The following GRTP1 variants were observed in gnomAD, a reference collection of about 807,000 sequenced individuals.
GRTP1 encodes growth hormone regulated TBC protein 1, also known as growth hormone-regulated TBC protein 1.
A neutral mutation model predicts 38.1 loss-of-function variants in GRTP1; 56 were observed. The observed-to-expected ratio is 1.47, with a 90% confidence interval of 1.19 to 1.84. The LOEUF (loss-of-function observed/expected upper bound fraction) is 1.84, where lower values mean the gene tolerates loss of function less well. Among genes scored for constraint, GRTP1 ranks in the 40% most tolerant of loss-of-function variants. The pLI is 0.00. For missense variants in GRTP1, 506 were observed against 453.9 expected (o/e 1.11, Z -1.04); for synonymous variants, 217 against 189.5 (o/e 1.14, Z -1.19).
At position 113,348,584 on chromosome 13, in the gene GRTP1, G is replaced by T. The variant is rs2043209233; in HGVS notation, c.465+2265C>A. ...AAAGACTGTTGCAGATGTCATTACG[G>T]ATGGGGTCATGGAGGAGTTGGTGGG... On this transcript the variant is annotated intron_variant, in intron 4 of 7. Transcript: ENST00000375431. The surrounding 1 kb of genome is among the most constrained non-coding windows in gnomAD (Gnocchi z 4.8). Among the ~76,000 whole-genome samples, 1 of 152,182 alleles carries T rather than the reference G, an allele frequency of 6.6e-6. No homozygotes were observed. The highest frequency in any genetic ancestry group is 1.5e-5 in the Non-Finnish European group (1 of 68,040).
intron 7 of GRTP1, chr13:113,325,352 G>T: frequency 7.0e-6 from 10 of 1,423,758 alleles, no homozygotes; most frequent in Non-Finnish European, 9.1e-6. Flanking sequence ...CCAGGTCCAG[G>T]ACCCAGTGGG....
rs564535305 is a variant in GRTP1 at position 113,356,257 on chromosome 13, A to T, written c.182-776T>A. Reference sequence around the variant, plus strand: ...TTTCCTTTGATACTACACTATATATATTTTATTTTATTTTATTTTATTTTT... The same window carrying T: ...TTTCCTTTGATACTACACTATATATTTTTTATTTTATTTTATTTTATTTTT... On this transcript the variant is annotated intron_variant, in intron 2 of 7. Coordinates refer to ENST00000375431, the MANE Select transcript of GRTP1 (RefSeq NM_024719.4). 3.1e-3 allele frequency among the ~76,000 whole-genome samples: 477 copies of T among 151,438 alleles called. 3 individuals carry two copies. Among genetic ancestry groups the T allele is most frequent in the South Asian group, 0.015 (71 of 4,796 alleles).
Position 113,355,309 on chromosome 13 carries a change from C to CTGT in GRTP1, c.340+13_340+14insACA. 6.2e-7 allele frequency: 1 copy of CTGT among 1,612,588 alleles called. No homozygotes were observed. The highest frequency in any genetic ancestry group is 8.5e-7 in the Non-Finnish European group (1 of 1,179,126). On this transcript the variant is annotated intron_variant, in intron 3 of 7. Transcript: ENST00000375431. ...CCCGGGCCCTGCACCAGAGCTCGAC[C>CTGT]CCCACCGCCTCACCTGTCCTGATGG...
In GRTP1 at chr13:113,343,167, G is replaced by A. The variant is rs1033093593; in HGVS notation, c.562+1696C>T. Among the ~76,000 whole-genome samples, 1 of 152,128 alleles carries A rather than the reference G, an allele frequency of 6.6e-6. No individual in the cohort carries two copies. On this transcript the variant is annotated intron_variant, in intron 5 of 7. Coordinates refer to ENST00000375431, the MANE Select transcript of GRTP1 (RefSeq NM_024719.4). The surrounding 1 kb of genome is among the most constrained non-coding windows in gnomAD (Gnocchi z 4.8). ...CCATGATTTGCACTCAGACATAACC[G>A]AAGCAGGCTGTGAGCCCGTTTCCAT... is the stretch of plus-strand genomic sequence containing the variant.
At chr13:113,356,191 A>T (rs1819512649) in intron 2 of GRTP1, among the ~76,000 whole-genome samples, 1 of 152,318 alleles carries the variant, frequency 6.6e-6, no homozygotes, top group African/African-American at 2.4e-5. Context: ...TTAACCTACA[A>T]AACAGTTAAT....
intron 5 of GRTP1, among the ~76,000 whole-genome samples, chr13:113,326,523 TAGCC>T (rs986143360): frequency 3.3e-5 from 5 of 151,706 alleles, no homozygotes; most frequent in African/African-American, 1.2e-4. Context: ...ATACAAAAAT[TAGCC>T]AGGTGTGGTG....
intron 2 of GRTP1, among the ~76,000 whole-genome samples, chr13:113,356,379 T>C (rs1040890410): frequency 3.3e-5 from 5 of 152,114 alleles, no homozygotes; most frequent in African/African-American, 1.2e-4. Flanking sequence ...GCAATTCTCC[T>C]GCCTCAGCCT....
rs145679903 is a variant in GRTP1 at position 113,331,985 on chromosome 13, T to C, written c.563-5894A>G. On this transcript the variant is annotated intron_variant, in intron 5 of 7. Transcript: ENST00000375431. ...TGTTTACATTTAAAAAAAGGTATTT[T>C]GGGCCGGGTGCCATGTCTTATGCCT... 5.5e-3 allele frequency among the ~76,000 whole-genome samples: 837 copies of C among 151,082 alleles called. 8 individuals are homozygous for C. The highest frequency in any genetic ancestry group is 0.019 in the African/African-American group (799 of 41,264).
intron 5 of GRTP1, among the ~76,000 whole-genome samples, chr13:113,331,403 C>T (rs531953065): frequency 3.3e-5 from 5 of 152,078 alleles, no homozygotes; most frequent in Non-Finnish European, 5.9e-5. Context: ...CCAGGAGGCA[C>T]GGGCTGCAGC....
chr13:113,356,285 C>T lies in GRTP1; in HGVS notation c.182-804G>A, dbSNP rs867416422. 9.9e-5 allele frequency among the ~76,000 whole-genome samples: 15 copies of T among 151,574 alleles called. 1 individual carries two copies. Among genetic ancestry groups the T allele is most frequent in the East Asian group, 3.9e-4 (2 of 5,160 alleles). ...TTATTTTATTTTATTTTATTTTTTT[C>T]GAGACGGAGTCTTGTTCTGTCGCCC... On this transcript the variant is annotated intron_variant, in intron 2 of 7. Coordinates refer to ENST00000375431, the MANE Select transcript of GRTP1 (RefSeq NM_024719.4).
intron 2 of GRTP1, among the ~76,000 whole-genome samples, chr13:113,363,293 C>T (rs1048631540): frequency 3.3e-5 from 5 of 152,184 alleles, no homozygotes; most frequent in South Asian, 2.1e-4. Flanking sequence ...CTGCAACCTC[C>T]GCCTACTGGG....
rs928120359 is a variant in GRTP1, at chr13:113,343,027, G to A, written c.562+1836C>T. ...TGAGGTCTGCCCTCCACAAAGACAGGAACTCGTGTGTGCTCACCGATGTTT... is the reference window on the plus strand; with the variant it reads ...TGAGGTCTGCCCTCCACAAAGACAGAAACTCGTGTGTGCTCACCGATGTTT... On this transcript the variant is annotated intron_variant, in intron 5 of 7. Coordinates refer to ENST00000375431, the MANE Select transcript of GRTP1 (RefSeq NM_024719.4). This position sits in a 1 kb window ranked among gnomAD's most constrained non-coding sequence, Gnocchi z 4.8. Among the ~76,000 whole-genome samples, 3 of 152,040 alleles carry A rather than the reference G, an allele frequency of 2.0e-5. No homozygotes were observed. Among genetic ancestry groups the A allele is most frequent in the African/African-American group, 7.2e-5 (3 of 41,384 alleles).
At position 113,325,916 on chromosome 13, in the gene GRTP1, C is replaced by T. The variant is rs769700374; in HGVS notation, c.735+3G>A. 33 of 1,613,872 alleles carry T rather than the reference C, an allele frequency of 2.0e-5. No homozygotes were observed. The African/African-American group carries it at 3.9e-4, about 19-fold the overall frequency. On this transcript the variant is annotated splice_donor_region_variant and intron_variant, in intron 6 of 7. Transcript: ENST00000375431. The stretch of plus-strand genomic sequence containing the variant: ...CGCCCCAGGGCCCGAGTGAGGCGCT[C>T]ACCTCCACGGGCAAGATGTCCACAA...
At chr13:113,339,518 G>A (rs1426489998) in intron 5 of GRTP1, 1 of 152,150 alleles carries the variant, frequency 6.6e-6, no homozygotes, top group Non-Finnish European at 1.5e-5. Context: ...AATGAAATAA[G>A]GGTTTAATTT....
intron 5 of GRTP1, among the ~76,000 whole-genome samples, chr13:113,333,874 TCCGAGGCTG>T (rs2042915909): frequency 7.4e-6 from 1 of 135,264 alleles, no homozygotes; most frequent in African/African-American, 2.8e-5. Context: ...TGTGTGTGTG[TCCGAGGCTG>T]GAGTGCAGTA....
At chr13:113,333,325 A>G (rs1195671864) in intron 5 of GRTP1, among the ~76,000 whole-genome samples, 2 of 152,110 alleles carry the variant, frequency 1.3e-5, no homozygotes, top group African/African-American at 2.4e-5. Context: ...GAACCACAGA[A>G]AACAGCACAG....
chr13:113,324,188 G>A lies in GRTP1; in HGVS notation c.*300C>T. The A allele has an allele frequency of 5.7e-6, 2 of 351,610 alleles. No homozygotes were observed. Among genetic ancestry groups the A allele is most frequent in the East Asian group, 9.0e-5 (2 of 22,328 alleles). 21.8% of individuals were successfully genotyped at this position (351,610 alleles called of 1,614,324 possible). A position where few individuals can be genotyped will look rare whatever the true frequency, so the allele number is the denominator to read the frequency against. Reference sequence around the variant, plus strand: ...TTAATTTCCAGTCAGCTGAGAAACTGATCACAAACACAGGTGTTGGCATAC... The same window carrying A: ...TTAATTTCCAGTCAGCTGAGAAACTAATCACAAACACAGGTGTTGGCATAC... On this transcript the variant is annotated 3_prime_UTR_variant, in exon 8 of 8. Transcript: ENST00000375431.
intron 5 of GRTP1, among the ~76,000 whole-genome samples, chr13:113,338,155 G>A (rs899506382): frequency 1.3e-5 from 2 of 152,144 alleles, no homozygotes; most frequent in Non-Finnish European, 2.9e-5. Context: ...GAGGAGGCCC[G>A]GGACCCATCG....
intron 2 of GRTP1, among the ~76,000 whole-genome samples, chr13:113,363,280 TC>T (rs2043532233): frequency 6.6e-6 from 1 of 152,200 alleles, no homozygotes; most frequent in African/African-American, 2.4e-5. Context: ...CAATCTCGGC[TC>T]ACTGCAACCT....
Sources: gnomAD v4.1 joint callset for allele counts (sites outside exome capture counted in the v4.1 genomes callset) on GRCh38, gnomAD v4.1.1 for gene constraint, Gnocchi (gnomAD v3.1) non-coding constraint, MANE v1.5 for transcripts, NCBI Gene and HGNC (gene_info 2026-07-23, HGNC 2026-07-21) for gene names.